The following TP63 variants were observed in gnomAD, a reference collection of about 807,000 sequenced individuals.
The protein encoded by TP63 is tumor protein 63.
Under a neutral mutation model 82.8 loss-of-function variants are expected in TP63, and 17 were observed. The observed-to-expected ratio is 0.21, with a 90% CI of 0.14 to 0.31. TP63 has a LOEUF of 0.31. Ranked by LOEUF, TP63 falls within the 10% of genes least tolerant of loss-of-function variation. TP63 has a pLI of 1.00. For missense variants in TP63, 648 were observed against 895.3 expected (o/e 0.72, Z 3.52); for synonymous variants, 330 against 321.7 (o/e 1.03, Z -0.28).
chr3:189,886,588 A>T (rs767887766), intron 11 of TP63, 37 bp downstream of exon 11: 2 of 1,612,348 alleles, frequency 1.2e-6, no homozygotes, highest in South Asian at 2.2e-5. Context: ...CTGAAGGATG[A>T]ACAGGCTAGC....
chr3:189,794,541 G>T (rs1046874469), intron 3 of TP63, among the ~76,000 whole-genome samples: 1 of 151,970 alleles, frequency 6.6e-6, no homozygotes, highest in African/African-American at 2.4e-5. Context: ...AAAGGGAAGG[G>T]GGGTGAGGAG....
At chr3:189,611,033 T>C in the TP63 span, among the ~76,000 whole-genome samples, 7 of 152,056 alleles carry the variant, frequency 4.6e-5, 1 homozygote, top group Non-Finnish European at 1.0e-4. Context: ...TTACCTCCAA[T>C]TGGATCCCTC....
chr3:189,630,169 A>T (rs566089239), upstream of TP63, among the ~76,000 whole-genome samples: 2 of 152,148 alleles, frequency 1.3e-5, no homozygotes, highest in Non-Finnish European at 2.9e-5. Flanking sequence ...TTTCTCTGAA[A>T]GGGCTTTAGA....
chr3:189,723,482 G>A (rs535931982), intron 1 of TP63, among the ~76,000 whole-genome samples: 20 of 152,272 alleles, frequency 1.3e-4, no homozygotes, highest in African/African-American at 4.8e-4. Context: ...GATAGCTATC[G>A]ATTCTCTTAT....
chr3:189,880,151 G>A (rs1719750485), intron 10 of TP63: 1 of 1,613,564 alleles, frequency 6.2e-7, no homozygotes, highest in Admixed American at 1.7e-5. Context: ...GACATTCCAA[G>A]CCCCCAAACC....
intron 3 of TP63, among the ~76,000 whole-genome samples, chr3:189,744,797 G>T (rs1721247082): frequency 6.6e-6 from 1 of 152,122 alleles, no homozygotes; most frequent in South Asian, 2.1e-4. Context: ...CAAGCCACCT[G>T]GGACTTCCAA....
rs567633605 is a variant in TP63, at chr3:189,655,848, C to T, written c.62+24271C>T. Among the ~76,000 whole-genome samples, 15 of 152,240 alleles carry T rather than the reference C, an allele frequency of 9.9e-5. No homozygotes were observed. In the East Asian group the frequency reaches 2.9e-3, roughly 29 times the overall value. On this transcript the variant is annotated intron_variant, in intron 1 of 13. Transcript: ENST00000264731. ...TTTTCTGTCATTAACCCATCAGGTTCTCACTGTAGGGATCTGAGTACAAGA... is the reference window on the plus strand; with the variant it reads ...TTTTCTGTCATTAACCCATCAGGTTTTCACTGTAGGGATCTGAGTACAAGA...
At chr3:189,856,856 TTC>T (rs1716353657) in intron 4 of TP63, among the ~76,000 whole-genome samples, 1 of 152,000 alleles carries the variant, frequency 6.6e-6, no homozygotes, top group Non-Finnish European at 1.5e-5. Flanking sequence ...TATAAAACAT[TTC>T]TGAGTAAAAT....
At chr3:189,872,794 G>T (rs1306509764) in intron 9 of TP63, 65 bp from the exon 10 acceptor site, 1 of 1,608,450 alleles carries the variant, frequency 6.2e-7, no homozygotes, top group Non-Finnish European at 8.5e-7. Context: ...AATGAGGATT[G>T]ACCACACTTC....
intron 1 of TP63, among the ~76,000 whole-genome samples, chr3:189,685,112 C>A (rs1314811973): frequency 2.0e-5 from 3 of 151,996 alleles, no homozygotes; most frequent in African/African-American, 7.3e-5. Context: ...TTTTTCTAAA[C>A]GAATATGAGA....
chr3:189,805,878 G>A (rs1318401620), intron 3 of TP63, among the ~76,000 whole-genome samples: 1 of 152,050 alleles, frequency 6.6e-6, no homozygotes, highest in African/African-American at 2.4e-5. Flanking sequence ...AAAAACCCTG[G>A]CTCAAAACAC....
intron 1 of TP63, among the ~76,000 whole-genome samples, chr3:189,655,005 ACTGCAG>A (rs1366786464): frequency 6.6e-6 from 1 of 152,122 alleles, no homozygotes; most frequent in Admixed American, 6.6e-5. Context: ...TGCAGTGACT[ACTGCAG>A]TGCTGTTAAG....
At chr3:189,648,172 T>A (rs1398552129) in intron 1 of TP63, among the ~76,000 whole-genome samples, 1 of 146,818 alleles carries the variant, frequency 6.8e-6, no homozygotes, top group African/African-American at 2.6e-5. Flanking sequence ...AGGAGGAAAG[T>A]CTTTAAATGG....
chr3:189,712,497 A>T (rs950694501), intron 1 of TP63, among the ~76,000 whole-genome samples: 4 of 152,130 alleles, frequency 2.6e-5, no homozygotes, highest in Non-Finnish European at 5.9e-5. Context: ...CAGCTTTTTC[A>T]TAGGTGGCAC....
the TP63 span, among the ~76,000 whole-genome samples, chr3:189,618,553 C>T: frequency 6.6e-6 from 1 of 152,092 alleles, no homozygotes; most frequent in Non-Finnish European, 1.5e-5. Context: ...TAAGTGCCAC[C>T]CTTGGCCTCT....
Position 189,652,597 on chromosome 3 carries a change from T to A in TP63, c.62+21020T>A. 1.4e-5 allele frequency among the ~76,000 whole-genome samples: 2 copies of A among 146,820 alleles called. 1 individual carries two copies. The highest frequency in any genetic ancestry group is 3.0e-5 in the Non-Finnish European group (2 of 67,252). ...AAGACTTTGGAGGACTGTTGAAAAG[T>A]CATGATTGTGTTTTGAATTGTAAGA... On this transcript the variant is annotated intron_variant, in intron 1 of 13. Transcript: ENST00000264731.
chr3:189,885,222 C>G (rs1391241049), intron 10 of TP63, among the ~76,000 whole-genome samples: 2 of 152,162 alleles, frequency 1.3e-5, no homozygotes. Context: ...ATTCTGTGGT[C>G]ACAGTAATTC....
chr3:189,703,906 T>C (rs1203179865), intron 1 of TP63, among the ~76,000 whole-genome samples: 3 of 152,194 alleles, frequency 2.0e-5, no homozygotes, highest in Non-Finnish European at 4.4e-5. Context: ...TGGCCTCTGA[T>C]GGAGAGTCTA....
At chr3:189,717,570 C>G (rs1465082741) in intron 1 of TP63, among the ~76,000 whole-genome samples, 2 of 152,114 alleles carry the variant, frequency 1.3e-5, no homozygotes. Flanking sequence ...AAAATATGAC[C>G]TCACAAGCCT....
Sources: gnomAD v4.1 joint callset for allele counts (sites outside exome capture counted in the v4.1 genomes callset) on GRCh38, gnomAD v4.1.1 for gene constraint, MANE v1.5 for transcripts, NCBI Gene and HGNC (gene_info 2026-07-23, HGNC 2026-07-21) for gene names.